RHOU: variants seen among roughly 807,000 people sequenced by gnomAD.
The protein encoded by RHOU is ras homolog family member U.
In RHOU, 8 loss-of-function variants were observed where a neutral mutation model predicts 12.6. The ratio of observed to expected loss-of-function variants is 0.64; its 90% confidence interval spans 0.37 to 1.15. RHOU has a LOEUF of 1.15. RHOU is among the 50% of genes most tolerant of loss of function. The pLI, the probability that RHOU is intolerant of heterozygous loss-of-function variation, is 0.01. For synonymous variants in RHOU, 161 were observed against 147.4 expected (o/e 1.09, Z -0.67); for missense variants, 258 against 347.0 (o/e 0.74, Z 2.04).
the RHOU span, chr1:228,687,750 A>C: frequency 7.1e-7 from 1 of 1,414,982 alleles, no homozygotes; most frequent in Non-Finnish European, 9.9e-7. Context: ...CTTGTGCAAG[A>C]TGGGAGCGCC....
At chr1:228,714,354 A>G in the RHOU span, among the ~76,000 whole-genome samples, 1 of 152,244 alleles carries the variant, frequency 6.6e-6, no homozygotes, top group Admixed American at 6.5e-5. Flanking sequence ...AAAAATAATT[A>G]GGAAAATATC....
the RHOU span, among the ~76,000 whole-genome samples, chr1:228,654,506 A>G: frequency 6.6e-6 from 1 of 152,184 alleles, no homozygotes; most frequent in East Asian, 1.9e-4. Context: ...AAAACTGCAA[A>G]CCAGAACAAG....
At chr1:228,650,717 C>CTA in the RHOU span, 2 of 470,250 alleles carry the variant, frequency 4.3e-6, no homozygotes, top group Non-Finnish European at 8.4e-6. Context: ...GCTAGTAGTG[C>CTA]TAAACATCAA....
the RHOU span, among the ~76,000 whole-genome samples, chr1:228,656,249 C>T: frequency 1.3e-5 from 2 of 152,094 alleles, no homozygotes; most frequent in African/African-American, 4.8e-5. Context: ...GACCTCCTGG[C>T]CTCAAGCAGT....
At chr1:228,691,833 A>C in the RHOU span, among the ~76,000 whole-genome samples, 1 of 152,234 alleles carries the variant, frequency 6.6e-6, no homozygotes, top group African/African-American at 2.4e-5. Flanking sequence ...AGTTTCTGCT[A>C]TCCCCTCTCA....
At chr1:228,700,328 GGTATTCAA>G in the RHOU span, among the ~76,000 whole-genome samples, 1 of 152,096 alleles carries the variant, frequency 6.6e-6, no homozygotes. Flanking sequence ...GTATTTTCTT[GGTATTCAA>G]TTAATTTTTG....
chr1:228,709,355 C>T, the RHOU span, among the ~76,000 whole-genome samples: 1 of 145,456 alleles, frequency 6.9e-6, no homozygotes, highest in Non-Finnish European at 1.5e-5. Flanking sequence ...ACAGAATATA[C>T]ATTTTTTTCA....
At chr1:228,709,318 A>G in the RHOU span, among the ~76,000 whole-genome samples, 1 of 145,310 alleles carries the variant, frequency 6.9e-6, no homozygotes, top group Non-Finnish European at 1.5e-5. Flanking sequence ...CCTAATAGAC[A>G]TCTACAGAAC....
At chr1:228,692,222 C>T in the RHOU span, among the ~76,000 whole-genome samples, 1 of 152,102 alleles carries the variant, frequency 6.6e-6, no homozygotes, top group Non-Finnish European at 1.5e-5. Flanking sequence ...AGAATTAGAG[C>T]CAACAGATAC....
the RHOU span, among the ~76,000 whole-genome samples, chr1:228,666,069 C>T: frequency 6.6e-6 from 1 of 151,968 alleles, no homozygotes; most frequent in Non-Finnish European, 1.5e-5. Flanking sequence ...GTGATCCCCC[C>T]ACCTGAGCCT....
At chr1:228,646,891 G>T in the RHOU span, among the ~76,000 whole-genome samples, 1 of 151,292 alleles carries the variant, frequency 6.6e-6, no homozygotes, top group Non-Finnish European at 1.5e-5. Flanking sequence ...CCGAGGGAGG[G>T]AGAGAGACAG....
the RHOU span, among the ~76,000 whole-genome samples, chr1:228,646,542 A>G: frequency 2.8e-4 from 34 of 120,490 alleles, no homozygotes; most frequent in Middle Eastern, 3.9e-3. Context: ...CCTTTCTCTC[A>G]CAACGCCCCC....
chr1:228,685,029 T>G, the RHOU span, among the ~76,000 whole-genome samples: 1 of 152,246 alleles, frequency 6.6e-6, no homozygotes, highest in African/African-American at 2.4e-5. Flanking sequence ...GATGATATTC[T>G]AAACAACGGG....
the RHOU span, among the ~76,000 whole-genome samples, chr1:228,678,131 G>A: frequency 6.6e-6 from 1 of 152,148 alleles, no homozygotes; most frequent in Non-Finnish European, 1.5e-5. Context: ...CTGAGGAGTA[G>A]TAGAATAGCA....
At position 228,744,104 on chromosome 1, in the gene RHOU, A is replaced by G. The variant is rs934873824; in HGVS notation, c.*364A>G. 1.6e-4 allele frequency: 32 copies of G among 205,782 alleles called. No homozygotes were observed. Among genetic ancestry groups the G allele is most frequent in the Non-Finnish European group, 2.8e-4 (28 of 101,512 alleles). The allele number at this position is 205,782 out of a possible 1,614,324, so 12.7% of individuals were successfully genotyped here. A position where few individuals can be genotyped will look rare whatever the true frequency, so the allele number is the denominator to read the frequency against. ...GTACAGAAGAGCAAAAGGGAGGAACACTATGGTTAACCCTCTCTTGATTAA... is the reference window on the plus strand; with the variant it reads ...GTACAGAAGAGCAAAAGGGAGGAACGCTATGGTTAACCCTCTCTTGATTAA... On this transcript the variant is annotated 3_prime_UTR_variant, in exon 3 of 3. Transcript: ENST00000366691.
At chr1:228,682,518 G>A in the RHOU span, among the ~76,000 whole-genome samples, 1 of 152,162 alleles carries the variant, frequency 6.6e-6, no homozygotes, top group African/African-American at 2.4e-5. Context: ...GTGGAGTTAG[G>A]AGCAATGTTT....
At chr1:228,704,667 G>A in the RHOU span, among the ~76,000 whole-genome samples, 2 of 151,278 alleles carry the variant, frequency 1.3e-5, no homozygotes, top group East Asian at 3.9e-4. Context: ...CCCCATATTG[G>A]CCAGGCTCGT....
chr1:228,709,490 T>C, the RHOU span, among the ~76,000 whole-genome samples: 2 of 151,114 alleles, frequency 1.3e-5, no homozygotes, highest in African/African-American at 2.4e-5. Context: ...AAACTGGAAC[T>C]CAGGATTAAG....
At chr1:228,675,334 C>T in the RHOU span, among the ~76,000 whole-genome samples, 1 of 151,610 alleles carries the variant, frequency 6.6e-6, no homozygotes, top group East Asian at 1.9e-4. Context: ...AGTGTTAGTC[C>T]TTGAACTATC....
Sources: allele counts gnomAD v4.1 joint callset (sites outside exome capture counted in the v4.1 genomes callset), GRCh38; gene constraint gnomAD v4.1.1; transcripts MANE v1.5; gene names NCBI Gene and HGNC (gene_info 2026-07-23, HGNC 2026-07-21).